PGS1: variants seen among roughly 807,000 people sequenced by gnomAD.
PGS1 encodes the protein CDP-diacylglycerol--glycerol-3-phosphate 3-phosphatidyltransferase, mitochondrial.
PGS1 carries 44 observed loss-of-function variants against 58.3 expected under a neutral mutation model. The observed-to-expected ratio is 0.75, with a 90% CI of 0.59 to 0.97. PGS1 has a LOEUF of 0.97. Among genes scored for constraint, PGS1 ranks in the 50% least tolerant of loss-of-function variants. The pLI is 0.00. For missense variants in PGS1, 684 were observed against 731.1 expected, an observed-to-expected ratio of 0.94 and a Z score of 0.74; for synonymous variants, 330 against 311.0, an observed-to-expected ratio of 1.06 and a Z score of -0.64.
Position 78,400,174 on chromosome 17 carries a change from T to G in PGS1, c.702-503T>G, listed in dbSNP as rs1229025822. 5.7e-6 allele frequency: 1 copy of G among 175,346 alleles called. No individual in the cohort carries two copies. The highest frequency in any genetic ancestry group is 2.4e-5 in the African/African-American group (1 of 41,640). The allele number at this position is 175,346 out of a possible 1,614,324, so 10.9% of individuals were successfully genotyped here. A position where few individuals can be genotyped will look rare whatever the true frequency, so the allele number is the denominator to read the frequency against. ...CTGAGGCAGAGGGATCACCTGACGT[T>G]AGAAGTTCAAGACCAGCCTGGACAA... On this transcript the variant is annotated intron_variant, in intron 5 of 9. Coordinates refer to ENST00000262764, the MANE Select transcript of PGS1 (RefSeq NM_024419.5). The surrounding 1 kb of genome is among the most constrained non-coding windows in gnomAD (Gnocchi z 4.4).
chr17:78,391,920 G>A (rs762116977), intron 1 of PGS1, among the ~76,000 whole-genome samples: 20 of 152,152 alleles, frequency 1.3e-4, no homozygotes, highest in Non-Finnish European at 2.5e-4. Flanking sequence ...CACCATGCTC[G>A]GCATAAATTG....
intron 2 of PGS1, among the ~76,000 whole-genome samples, chr17:78,395,371 C>T (rs144091283): frequency 4.6e-5 from 7 of 152,278 alleles, no homozygotes; most frequent in South Asian, 2.1e-4. Context: ...TGTCCGGAAG[C>T]CTTTCCTAGT....
chr17:78,385,510 C>T (rs931601807), intron 1 of PGS1, among the ~76,000 whole-genome samples: 4 of 152,140 alleles, frequency 2.6e-5, no homozygotes, highest in African/African-American at 7.2e-5. Context: ...AGGATGGTCT[C>T]GATCTCCTGA....
chr17:78,386,282 G>C (rs2082377895), intron 1 of PGS1, among the ~76,000 whole-genome samples: 2 of 152,202 alleles, frequency 1.3e-5, no homozygotes, highest in Non-Finnish European at 2.9e-5. Flanking sequence ...AGGTTGGTGT[G>C]GTGATGTAGT....
At chr17:78,395,474 T>G (rs2083162656) in intron 2 of PGS1, among the ~76,000 whole-genome samples, 1 of 152,106 alleles carries the variant, frequency 6.6e-6, no homozygotes, top group Non-Finnish European at 1.5e-5. Flanking sequence ...GGGAAGCAGG[T>G]AGATGTGAAG....
In PGS1 at chr17:78,403,780, G is replaced by T; in HGVS notation, c.1093G>T (p.Asp365Tyr). ...GATGAAGCCCTTCGAGATTCAAATC[G>T]ATGAGATTGTCACTGAGACCCTGTT... is the stretch of plus-strand genomic sequence containing the variant. ...IQMKPFEIQIDEIVTETLLTE... is the reference protein window; with the variant it reads ...IQMKPFEIQIYEIVTETLLTE... The change falls in exon 7 of 10, where the codon GAT (aspartate) becomes TAT (tyrosine). Residue 365 changes from aspartate to tyrosine, a missense_variant. Asp to Tyr is a radical substitution (Grantham distance 160). Coordinates refer to ENST00000262764, the MANE Select transcript of PGS1 (RefSeq NM_024419.5). 1 of 1,614,192 alleles carries T rather than the reference G, an allele frequency of 6.2e-7. No individual in the cohort carries two copies. The highest frequency in any genetic ancestry group is 8.5e-7 in the Non-Finnish European group (1 of 1,180,038).
chr17:78,398,044 C>T (rs1290943479), intron 3 of PGS1: 2 of 632,648 alleles, frequency 3.2e-6, no homozygotes, highest in Admixed American at 2.1e-5. Flanking sequence ...GAGGCCTGGG[C>T]CGATCAGGCC....
intron 1 of PGS1, among the ~76,000 whole-genome samples, chr17:78,390,095 A>G (rs1251299391): frequency 1.1e-5 from 1 of 88,098 alleles, no homozygotes; most frequent in Admixed American, 1.5e-4. Context: ...ATTAGTGAAT[A>G]TGAGACTCTA....
intron 1 of PGS1, among the ~76,000 whole-genome samples, chr17:78,386,656 G>A (rs1328405642): frequency 2.0e-5 from 3 of 152,178 alleles, no homozygotes; most frequent in African/African-American, 7.2e-5. Flanking sequence ...TTTGGGACTG[G>A]GCCATGTGCT....
At chr17:78,383,416 C>A (rs749716514) in intron 1 of PGS1, among the ~76,000 whole-genome samples, 1 of 152,028 alleles carries the variant, frequency 6.6e-6, no homozygotes, top group African/African-American at 2.4e-5. Context: ...AGTAGAGACG[C>A]GGTTTCTCCA....
At chr17:78,408,568 C>T (rs2084355617) in intron 7 of PGS1, among the ~76,000 whole-genome samples, 1 of 152,210 alleles carries the variant, frequency 6.6e-6, no homozygotes, top group Non-Finnish European at 1.5e-5. Context: ...GCTGCGCGTC[C>T]CTGAGCGAAT....
chr17:78,390,322 G>A (rs554686522), intron 1 of PGS1, among the ~76,000 whole-genome samples: 2 of 87,864 alleles, frequency 2.3e-5, no homozygotes, highest in East Asian at 2.6e-4. Context: ...CTAGAGACGG[G>A]GGTGGGGGAG....
chr17:78,404,426 G>A (rs9901493), intron 7 of PGS1, among the ~76,000 whole-genome samples: 30,184 of 151,260 alleles, frequency 0.2, 3,231 homozygotes, highest in South Asian at 0.25. Context: ...GACTACAGGC[G>A]CGTGCCACCA....
rs770282141 is a variant in PGS1 at position 78,398,346 on chromosome 17, C to T, written c.506C>T (p.Ser169Leu). Reference protein sequence around the residue: ...VSILLDFTRGSRGRKNSRTML... With the variant: ...VSILLDFTRGLRGRKNSRTML... Reference sequence around the variant, plus strand: ...ATTCTCTTAGACTTCACGCGGGGCTCACGAGGTAGGTGGCATGCAAGCCTG... The same window carrying T: ...ATTCTCTTAGACTTCACGCGGGGCTTACGAGGTAGGTGGCATGCAAGCCTG... Residue 169 changes from serine (S) to leucine (L), a missense_variant, in exon 4 of 10, where the codon TCA (serine) becomes TTA (leucine). Transcript: ENST00000262764. The T allele has an allele frequency of 3.7e-6, 6 of 1,611,908 alleles. No individual in the cohort carries two copies. Among genetic ancestry groups the T allele is most frequent in the Non-Finnish European group, 3.4e-6 (4 of 1,178,088 alleles).
intron 4 of PGS1, 22 bp from the exon 5 acceptor site, chr17:78,399,326 C>CA (rs151227070): frequency 6.2e-7 from 1 of 1,601,316 alleles, no homozygotes; most frequent in African/African-American, 1.3e-5. Context: ...AGTCAGGTGC[C>CA]GTTTTCTCTG....
chr17:78,381,940 C>T (rs948678552), intron 1 of PGS1, among the ~76,000 whole-genome samples: 1 of 152,130 alleles, frequency 6.6e-6, no homozygotes, highest in South Asian at 2.1e-4. Flanking sequence ...GCTAGGTACT[C>T]AGGAAGCAAA....
At chr17:78,394,467 T>A (rs2083074418) in intron 2 of PGS1, among the ~76,000 whole-genome samples, 1 of 152,180 alleles carries the variant, frequency 6.6e-6, no homozygotes, top group African/African-American at 2.4e-5. Context: ...CACCTGTCCT[T>A]GTTTGTACCG....
At chr17:78,416,267 T>G (rs114425875) in intron 8 of PGS1, among the ~76,000 whole-genome samples, 3,513 of 152,300 alleles carry the variant, frequency 0.023, 151 homozygotes, top group African/African-American at 0.078. Flanking sequence ...AGCTGAGAGA[T>G]TCCAGTAATA....
intron 1 of PGS1, among the ~76,000 whole-genome samples, chr17:78,387,687 A>T (rs2082512839): frequency 6.7e-6 from 1 of 148,946 alleles, no homozygotes; most frequent in Non-Finnish European, 1.5e-5. Flanking sequence ...GCAGCTTCGA[A>T]CACCTGGGTT....
Sources: gnomAD v4.1 joint callset for allele counts (sites outside exome capture counted in the v4.1 genomes callset) on GRCh38, gnomAD v4.1.1 for gene constraint, Gnocchi (gnomAD v3.1) non-coding constraint, MANE v1.5 for transcripts, NCBI Gene and HGNC (gene_info 2026-07-23, HGNC 2026-07-21) for gene names.